EDA: variants seen among roughly 807,000 people sequenced by gnomAD.
EDA encodes the protein ectodysplasin-A.
EDA carries 2 observed loss-of-function variants against 23.6 expected under a neutral mutation model. The ratio of observed to expected loss-of-function variants is 0.08; its 90% confidence interval spans 0.03 to 0.27. The LOEUF (loss-of-function observed/expected upper bound fraction) is 0.27, where lower values mean the gene tolerates loss of function less well. Among genes scored for constraint, EDA ranks in the 10% least tolerant of loss-of-function variants. The probability of loss-of-function intolerance (pLI) is 1.00; values close to 1 mark genes in which losing one functional copy is unlikely to be tolerated. For synonymous variants in EDA, 131 were observed against 132.0 expected, an observed-to-expected ratio of 0.99 and a Z score of 0.05; for missense variants, 229 against 324.2, an observed-to-expected ratio of 0.71 and a Z score of 2.26.
At chrX:69,887,165 G>A (rs889839213) in intron 1 of EDA, among the ~76,000 whole-genome samples, 2 of 110,946 alleles carry the variant, frequency 1.8e-5, no homozygotes, top group Non-Finnish European at 3.8e-5. Flanking sequence ...ATAATTAACT[G>A]GACATGTTGG....
intron 1 of EDA, among the ~76,000 whole-genome samples, chrX:69,794,525 A>G (rs1476666542): frequency 1.8e-5 from 2 of 112,462 alleles, no homozygotes; most frequent in Middle Eastern, 4.2e-3. Context: ...ATACAACACT[A>G]TTAACTGAAT....
At chrX:69,970,714 G>A (rs896629905) in intron 2 of EDA, among the ~76,000 whole-genome samples, 8 of 111,501 alleles carry the variant, frequency 7.2e-5, no homozygotes, top group East Asian at 2.8e-4. Flanking sequence ...TGTATCTAGC[G>A]TGATAAGACA....
rs1361032631 is a variant in EDA at position 69,616,696 on chromosome X, G to C, written c.388G>C (p.Gly130Arg). Residue 130 changes from glycine (G) to arginine (R), a missense_variant, in exon 1 of 8, where the codon GGG becomes CGG. Transcript: ENST00000374552. ...CGCACTCCACTCTGACTCCCAGGAC[G>C]GGCACCAGGTGAGTCACCTAGTAGG... Reference protein sequence around the residue: ...EAALHSDSQDGHQMALLNFFF... With the variant: ...EAALHSDSQDRHQMALLNFFF... 8.3e-7 allele frequency: 1 copy of C among 1,211,793 alleles called. No homozygotes were observed. Among genetic ancestry groups the C allele is most frequent in the Middle Eastern group, 2.3e-4 (1 of 4,354 alleles).
At chrX:69,865,341 T>A (rs2017468209) in intron 1 of EDA, among the ~76,000 whole-genome samples, 1 of 110,491 alleles carries the variant, frequency 9.1e-6, no homozygotes. Context: ...TATAGTGGGA[T>A]CACAAGGTCC....
At chrX:69,754,208 T>C (rs1426373403) in intron 1 of EDA, among the ~76,000 whole-genome samples, 3 of 112,202 alleles carry the variant, frequency 2.7e-5, no homozygotes, top group African/African-American at 9.7e-5. Flanking sequence ...TGGCTGGTAC[T>C]GGTTGTTCCT....
At chrX:70,033,850 C>G (rs1278883924) in intron 7 of EDA, among the ~76,000 whole-genome samples, 3 of 112,042 alleles carry the variant, frequency 2.7e-5, no homozygotes, top group Non-Finnish European at 3.8e-5. Flanking sequence ...TTTGGCTGCA[C>G]TGCCAAACTT....
intron 1 of EDA, among the ~76,000 whole-genome samples, chrX:69,655,759 A>AATATATATATATATATATATAT (rs1435834220): frequency 2.0e-4 from 8 of 39,347 alleles, no homozygotes; most frequent in Admixed American, 7.0e-4. Flanking sequence ...ACATCATTAG[A>AATATATATATATATATATATAT]ATCTATATAT....
chrX:70,010,175 C>T (rs1204304452), intron 2 of EDA, among the ~76,000 whole-genome samples: 3 of 111,824 alleles, frequency 2.7e-5, no homozygotes, highest in Non-Finnish European at 5.6e-5. Context: ...CACTGATTTT[C>T]TGCCTGCTAG....
intron 1 of EDA, among the ~76,000 whole-genome samples, chrX:69,812,981 C>T (rs746463591): frequency 2.0e-3 from 224 of 111,543 alleles, no homozygotes; most frequent in Non-Finnish European, 3.7e-3. Flanking sequence ...GTTCTTCTTA[C>T]CACCATGGTT....
chrX:69,847,419 G>T (rs1444288890), intron 1 of EDA, among the ~76,000 whole-genome samples: 1 of 111,344 alleles, frequency 9.0e-6, no homozygotes, highest in African/African-American at 3.3e-5. Context: ...AGGATACAGA[G>T]CAGTTCCATC....
intron 1 of EDA, among the ~76,000 whole-genome samples, chrX:69,889,886 GT>G (rs764410270): frequency 2.5e-4 from 28 of 111,465 alleles, no homozygotes; most frequent in Middle Eastern, 4.2e-3. Flanking sequence ...CTTCATATCT[GT>G]TTTCTTCTAG....
intron 2 of EDA, among the ~76,000 whole-genome samples, chrX:70,022,314 T>TTTTATTTTAC (rs1253577012): frequency 1.8e-5 from 2 of 109,197 alleles, no homozygotes; most frequent in African/African-American, 6.7e-5. Flanking sequence ...ACATGTCTTA[T>TTTTATTTTAC]TTTATTTTAT....
chrX:69,940,618 G>C (rs2147687855), intron 1 of EDA, among the ~76,000 whole-genome samples: 1 of 109,978 alleles, frequency 9.1e-6, no homozygotes, highest in Admixed American at 9.6e-5. Context: ...TTTTGAGTTT[G>C]CTTCGGTCTT....
intron 1 of EDA, among the ~76,000 whole-genome samples, chrX:69,912,775 T>C (rs1417140253): frequency 9.7e-6 from 1 of 103,332 alleles, no homozygotes. Flanking sequence ...TTTTCTTTTT[T>C]TTTTTTTTTT....
intron 1 of EDA, among the ~76,000 whole-genome samples, chrX:69,703,694 T>G (rs184124326): frequency 9.0e-6 from 1 of 111,609 alleles, no homozygotes; most frequent in Non-Finnish European, 1.9e-5. Flanking sequence ...ACGTGTCTTC[T>G]GGCCAGCTCT....
At chrX:69,709,680 C>G (rs1479493509) in intron 1 of EDA, among the ~76,000 whole-genome samples, 1 of 111,162 alleles carries the variant, frequency 9.0e-6, no homozygotes, top group Admixed American at 9.6e-5. Flanking sequence ...TTATTTTTTT[C>G]TCTTTTTAAA....
chrX:69,772,994 C>T (rs774236012), intron 1 of EDA, among the ~76,000 whole-genome samples: 1 of 111,632 alleles, frequency 9.0e-6, no homozygotes, highest in African/African-American at 3.3e-5. Context: ...ATATTTTCAT[C>T]ACCCCCAAAA....
chrX:69,888,137 T>C (rs2017857143), intron 1 of EDA, among the ~76,000 whole-genome samples: 2 of 111,779 alleles, frequency 1.8e-5, no homozygotes, highest in Admixed American at 1.9e-4. Context: ...CTATAACATT[T>C]TGTTAAAGGA....
chrX:69,812,539 G>A (rs1307343102), intron 1 of EDA, among the ~76,000 whole-genome samples: 1 of 112,059 alleles, frequency 8.9e-6, no homozygotes, highest in Admixed American at 9.5e-5. Flanking sequence ...TTTGAATGAG[G>A]TGTTGAGGGT....
Sources: allele counts gnomAD v4.1 joint callset (sites outside exome capture counted in the v4.1 genomes callset), GRCh38; gene constraint gnomAD v4.1.1; transcripts MANE v1.5; gene names NCBI Gene and HGNC (gene_info 2026-07-23, HGNC 2026-07-21).